KLF6: variants seen among roughly 807,000 people sequenced by gnomAD.
KLF6 encodes the protein Krueppel-like factor 6.
For missense variants in KLF6, 233 were observed against 359.8 expected (o/e 0.65, Z 2.85); for synonymous variants, 152 against 147.9 (o/e 1.03, Z -0.20).
In KLF6 at chr10:3,777,285, G is replaced by C. The variant is rs767768225; in HGVS notation, c.*2254C>G. On this transcript the variant is annotated 3_prime_UTR_variant, in exon 4 of 4. Transcript: ENST00000497571. ...GCTGGGTGAAATATCAGCTGTCCAC[G>C]CCGTGGTATGCCAATTCGGGGAAAT... is the stretch of plus-strand genomic sequence containing the variant. 9.7e-6 allele frequency: 5 copies of C among 514,756 alleles called. No individual in the cohort carries two copies. The highest frequency in any genetic ancestry group is 1.9e-5 in the Non-Finnish European group (5 of 263,984). The allele number at this position is 514,756 out of a possible 1,614,324, so 31.9% of individuals were successfully genotyped here.
In KLF6 at chr10:3,781,456, C is replaced by T. The variant is rs1198899088; in HGVS notation, c.676+185G>A. On this transcript the variant is annotated intron_variant, in intron 2 of 3. Coordinates refer to ENST00000497571, the MANE Select transcript of KLF6 (RefSeq NM_001300.6). This position sits in a 1 kb window ranked among gnomAD's most constrained non-coding sequence, Gnocchi z 5.8. ...TTACACATTTATCCAACTCAAAAGT[C>T]CAGTCTTTAGGATTCTACTCTGAAC... 3 of 1,536,832 alleles carry T rather than the reference C, an allele frequency of 2.0e-6. No individual in the cohort carries two copies. The highest frequency in any genetic ancestry group is 1.8e-6 in the Non-Finnish European group (2 of 1,141,384).
rs1809266560 is a variant in KLF6, at chr10:3,777,320, G to A, written c.*2219C>T. Reference sequence around the variant, plus strand: ...GCCAATTCGGGGAAATTACTCCTTGGAAAAACTGGAAGAATCTACTTGCTG... The same window carrying A: ...GCCAATTCGGGGAAATTACTCCTTGAAAAAACTGGAAGAATCTACTTGCTG... On this transcript the variant is annotated 3_prime_UTR_variant, in exon 4 of 4. Transcript: ENST00000497571. 1.9e-6 allele frequency: 1 copy of A among 513,066 alleles called. No homozygotes were observed. Among genetic ancestry groups the A allele is most frequent in the Non-Finnish European group, 3.8e-6 (1 of 262,674 alleles). The allele number at this position is 513,066 out of a possible 1,614,324, so 31.8% of individuals were successfully genotyped here.
rs1832387571 is a variant in KLF6 at position 3,776,756 on chromosome 10, CA to C, written c.*2782del. 6 of 472,402 alleles carry C rather than the reference CA, an allele frequency of 1.3e-5. No homozygotes were observed. The highest frequency in any genetic ancestry group is 2.1e-5 in the African/African-American group (1 of 47,840). 29.3% of individuals were successfully genotyped at this position (472,402 alleles called of 1,614,324 possible). ...ATAGAAATTTTTTTTTAATTTCAAG[CA>C]AAAAGTTTCTGCTTGATTGAGGCTC... On this transcript the variant is annotated 3_prime_UTR_variant, in exon 4 of 4. Coordinates refer to ENST00000497571, the MANE Select transcript of KLF6 (RefSeq NM_001300.6).
rs1286672635 is a variant in KLF6, at chr10:3,782,283, C to T, written c.103-69G>A. 3.8e-6 allele frequency: 5 copies of T among 1,310,808 alleles called. No individual in the cohort carries two copies. The highest frequency in any genetic ancestry group is 5.4e-6 in the Non-Finnish European group (5 of 921,544). 81.2% of individuals were successfully genotyped at this position (1,310,808 alleles called of 1,614,324 possible). On this transcript the variant is annotated intron_variant, in intron 1 of 3. Coordinates refer to ENST00000497571, the MANE Select transcript of KLF6 (RefSeq NM_001300.6). This position sits in a 1 kb window ranked among gnomAD's most constrained non-coding sequence, Gnocchi z 4.3. ...CCAAAAGTAAAAGCAAAAGCAATTT[C>T]CAAAAACATGCAAGAATGAAGGACA...
In KLF6 at chr10:3,776,564, A is replaced by ATTC. The variant is rs1832381570; in HGVS notation, c.*2972_*2974dup. The ATTC allele has an allele frequency of 1.9e-6, 1 of 525,724 alleles. No individual in the cohort carries two copies. The highest frequency in any genetic ancestry group is 1.9e-5 in the African/African-American group (1 of 53,422). 32.6% of individuals were successfully genotyped at this position (525,724 alleles called of 1,614,324 possible). A position where few individuals can be genotyped will look rare whatever the true frequency, so the allele number is the denominator to read the frequency against. On this transcript the variant is annotated 3_prime_UTR_variant, in exon 4 of 4. Coordinates refer to ENST00000497571, the MANE Select transcript of KLF6 (RefSeq NM_001300.6). ...AACCAGACTCAAGATGCTGATAAGA[A>ATTC]TTCTTTTATGTTATTCCAATAAAAA...
Position 3,777,921 on chromosome 10 carries a change from G to GTT in KLF6, c.*1617_*1618insAA, listed in dbSNP as rs200387079. On this transcript the variant is annotated 3_prime_UTR_variant, in exon 4 of 4. Coordinates refer to ENST00000497571, the MANE Select transcript of KLF6 (RefSeq NM_001300.6). ...TTTAAGCAAATACATTAACATTGGG[G>GTT]GTTTTTTAATACTTCTGTATCTTTA... is the stretch of plus-strand genomic sequence containing the variant. 49,855 of 492,462 alleles carry GTT rather than the reference G, an allele frequency of 0.1. 3,030 individuals carry two copies. Among genetic ancestry groups the GTT allele is most frequent in the Non-Finnish European group, 0.13 (32,382 of 250,606 alleles). The allele number at this position is 492,462 out of a possible 1,614,324, so 30.5% of individuals were successfully genotyped here.
Position 3,784,979 on chromosome 10 carries a change from C to T in KLF6, c.36G>A (p.Glu12=), listed in dbSNP as rs1026973469. The T allele has an allele frequency of 6.2e-7, 1 of 1,608,286 alleles. No homozygotes were observed. Among genetic ancestry groups the T allele is most frequent in the East Asian group, 2.2e-5 (1 of 44,678 alleles). Residue 12 remains glutamate (E), a synonymous_variant, in exon 1 of 4, where the codon GAG becomes GAA. Coordinates refer to ENST00000497571, the MANE Select transcript of KLF6 (RefSeq NM_001300.6). ...AGCCGGTCTCGTGCACGATCTGGAG[C>T]TCCTGGAAGATGCTGCACATGGGGA... is the stretch of plus-strand genomic sequence containing the variant. ...DVLPMCSIFQ[E]LQIVHETGYF...
rs1294821201 is a variant in KLF6, at chr10:3,781,148, A to T, written c.676+493T>A. The T allele has an allele frequency of 4.0e-6, 1 of 250,730 alleles. No individual in the cohort carries two copies. The highest frequency in any genetic ancestry group is 2.2e-5 in the African/African-American group (1 of 44,690). 15.5% of individuals were successfully genotyped at this position (250,730 alleles called of 1,614,324 possible). A position where few individuals can be genotyped will look rare whatever the true frequency, so the allele number is the denominator to read the frequency against. On this transcript the variant is annotated intron_variant, in intron 2 of 3. Coordinates refer to ENST00000497571, the MANE Select transcript of KLF6 (RefSeq NM_001300.6). The surrounding 1 kb of genome is among the most constrained non-coding windows in gnomAD (Gnocchi z 5.8). ...TGAGACACGGAGAAGTTCTCAGGAA[A>T]CACTCGCTGATCAATGCTGCTGCTT...
Position 3,780,358 on chromosome 10 carries a change from C to G in KLF6, c.677-129G>C. On this transcript the variant is annotated intron_variant, in intron 2 of 3. Coordinates refer to ENST00000497571, the MANE Select transcript of KLF6 (RefSeq NM_001300.6). This position sits in a 1 kb window ranked among gnomAD's most constrained non-coding sequence, Gnocchi z 4.6. ...CCAGTGGCTTCTGGCATCGGTAACA[C>G]ACAACAACTGGCAGCCTCAGAGAGA... is the stretch of plus-strand genomic sequence containing the variant. 5 of 1,088,286 alleles carry G rather than the reference C, an allele frequency of 4.6e-6. No homozygotes were observed. In the South Asian group the frequency reaches 5.0e-5, roughly 11 times the overall value. 67.4% of individuals were successfully genotyped at this position (1,088,286 alleles called of 1,614,324 possible). A position where few individuals can be genotyped will look rare whatever the true frequency, so the allele number is the denominator to read the frequency against.
In KLF6 at chr10:3,776,417, A is replaced by G. The variant is rs1378632367; in HGVS notation, c.*3122T>C. The G allele has an allele frequency of 7.5e-6, 4 of 532,252 alleles. No homozygotes were observed. Among genetic ancestry groups the G allele is most frequent in the Non-Finnish European group, 7.3e-6 (2 of 275,102 alleles). The allele number at this position is 532,252 out of a possible 1,614,324, so 33.0% of individuals were successfully genotyped here. A position where few individuals can be genotyped will look rare whatever the true frequency, so the allele number is the denominator to read the frequency against. ...TCCCAGGACAGGCTGTGGAAAGAGG[A>G]AGGGGCTGAGGTCGGTGAGTTGTTC... On this transcript the variant is annotated 3_prime_UTR_variant, in exon 4 of 4. Transcript: ENST00000497571.
In KLF6 at chr10:3,779,167, T is replaced by C; in HGVS notation, c.*372A>G. On this transcript the variant is annotated 3_prime_UTR_variant, in exon 4 of 4. Transcript: ENST00000497571. ...AAACATTCAAACTACTTTTTTTCCA[T>C]CTCTTGCAGTCTTGCTAACCACAAG... The C allele has an allele frequency of 1.8e-6, 1 of 547,760 alleles. No individual in the cohort carries two copies. 33.9% of individuals were successfully genotyped at this position (547,760 alleles called of 1,614,324 possible).
Position 3,776,687 on chromosome 10 carries a change from A to G in KLF6, c.*2852T>C, listed in dbSNP as rs562840329. On this transcript the variant is annotated 3_prime_UTR_variant, in exon 4 of 4. Coordinates refer to ENST00000497571, the MANE Select transcript of KLF6 (RefSeq NM_001300.6). The stretch of plus-strand genomic sequence containing the variant: ...CAAAAATCTTACAAAGATTCTTTAG[A>G]TAACAGGGTGCTTCCAAAAAAAAAA... The G allele has an allele frequency of 2.1e-6, 1 of 479,144 alleles. No individual in the cohort carries two copies. Among genetic ancestry groups the G allele is most frequent in the Non-Finnish European group, 3.9e-6 (1 of 254,312 alleles). The allele number at this position is 479,144 out of a possible 1,614,324, so 29.7% of individuals were successfully genotyped here.
Position 3,779,403 on chromosome 10 carries a change from C to T in KLF6, c.*136G>A. On this transcript the variant is annotated 3_prime_UTR_variant, in exon 4 of 4. Transcript: ENST00000497571. ...AGGACCTTTTTAGCCCTCAAAAGAC[C>T]TTCCAAGGAGAGGCCCTGGAGGCAA... 1.3e-6 allele frequency: 1 copy of T among 771,856 alleles called. No homozygotes were observed. The highest frequency in any genetic ancestry group is 2.3e-6 in the Non-Finnish European group (1 of 437,100). 47.8% of individuals were successfully genotyped at this position (771,856 alleles called of 1,614,324 possible).
rs936964721 is a variant in KLF6, at chr10:3,782,372, A to C, written c.103-158T>G. 5.9e-5 allele frequency among the ~76,000 whole-genome samples: 9 copies of C among 152,262 alleles called. No individual in the cohort carries two copies. The highest frequency in any genetic ancestry group is 1.3e-4 in the Non-Finnish European group (9 of 68,046). ...TTTGTAATTAAGCATCCGTGTCCTTACGGAAGTTAGAGGAAATCTGTTTCT... is the reference window on the plus strand; with the variant it reads ...TTTGTAATTAAGCATCCGTGTCCTTCCGGAAGTTAGAGGAAATCTGTTTCT... On this transcript the variant is annotated intron_variant, in intron 1 of 3. Coordinates refer to ENST00000497571, the MANE Select transcript of KLF6 (RefSeq NM_001300.6). The surrounding 1 kb of genome is among the most constrained non-coding windows in gnomAD (Gnocchi z 4.3).
At position 3,778,193 on chromosome 10, in the gene KLF6, G is replaced by A. The variant is rs763693794; in HGVS notation, c.*1346C>T. The A allele has an allele frequency of 1.9e-6, 1 of 524,064 alleles. No homozygotes were observed. The highest frequency in any genetic ancestry group is 4.1e-5 in the East Asian group (1 of 24,486). 32.5% of individuals were successfully genotyped at this position (524,064 alleles called of 1,614,324 possible). A position where few individuals can be genotyped will look rare whatever the true frequency, so the allele number is the denominator to read the frequency against. On this transcript the variant is annotated 3_prime_UTR_variant, in exon 4 of 4. Coordinates refer to ENST00000497571, the MANE Select transcript of KLF6 (RefSeq NM_001300.6). Reference sequence around the variant, plus strand: ...AGATTTTTTTTCTGTATTATACGTTGATACAGTACACTGCCAGGTGAAACA... The same window carrying A: ...AGATTTTTTTTCTGTATTATACGTTAATACAGTACACTGCCAGGTGAAACA...
rs1271244366 is a variant in KLF6 at position 3,780,201 on chromosome 10, T to C, written c.705A>G (p.Glu235=). 1.2e-6 allele frequency: 2 copies of C among 1,614,004 alleles called. No homozygotes were observed. The highest frequency in any genetic ancestry group is 2.7e-5 in the African/African-American group (2 of 74,926). The change falls in exon 3 of 4, where the codon GAA becomes GAG. Residue 235 remains glutamate (E), a synonymous_variant. Coordinates refer to ENST00000497571, the MANE Select transcript of KLF6 (RefSeq NM_001300.6). This position sits in a 1 kb window ranked among gnomAD's most constrained non-coding sequence, Gnocchi z 4.6. ...TGEKPYRCSW[E]GCEWRFARSD... is the part of the protein sequence containing the mutation. ...TTCTTGCAAAACGCCACTCACACCC[T>C]TCCCATGAGCATCTGTAAGGCTTTT...
chr10:3,785,171 C>G lies in KLF6; in HGVS notation c.-157G>C. The G allele has an allele frequency of 6.9e-7, 1 of 1,450,376 alleles. No homozygotes were observed. The highest frequency in any genetic ancestry group is 9.4e-7 in the Non-Finnish European group (1 of 1,069,012). 89.8% of individuals were successfully genotyped at this position (1,450,376 alleles called of 1,614,324 possible). On this transcript the variant is annotated 5_prime_UTR_variant, in exon 1 of 4. Transcript: ENST00000497571. The stretch of plus-strand genomic sequence containing the variant: ...GGACCCTCCCGCAGCCCGCAGCGCG[C>G]GGAGCCCACACAATATTTGCAAACA...
rs1444593969 is a variant in KLF6, at chr10:3,778,964, C to G, written c.*575G>C. 2 of 534,724 alleles carry G rather than the reference C, an allele frequency of 3.7e-6. No homozygotes were observed. The highest frequency in any genetic ancestry group is 7.2e-6 in the Non-Finnish European group (2 of 276,652). The allele number at this position is 534,724 out of a possible 1,614,324, so 33.1% of individuals were successfully genotyped here. ...GGGAGAGAGGCTCTCCCTCCCCACA[C>G]CACTCGCCACTCTGGGGTCCTGAGT... On this transcript the variant is annotated 3_prime_UTR_variant, in exon 4 of 4. Transcript: ENST00000497571.
Position 3,776,054 on chromosome 10 carries a change from T to G in KLF6, c.*3485A>C, listed in dbSNP as rs1376252561. 1 of 515,950 alleles carries G rather than the reference T, an allele frequency of 1.9e-6. No homozygotes were observed. Among genetic ancestry groups the G allele is most frequent in the Non-Finnish European group, 3.8e-6 (1 of 262,558 alleles). 32.0% of individuals were successfully genotyped at this position (515,950 alleles called of 1,614,324 possible). A position where few individuals can be genotyped will look rare whatever the true frequency, so the allele number is the denominator to read the frequency against. On this transcript the variant is annotated 3_prime_UTR_variant, in exon 4 of 4. Transcript: ENST00000497571. The stretch of plus-strand genomic sequence containing the variant: ...CTTGACTGAGAGTGGGCTGAGGTTG[T>G]GAGAACAGCCCTCTGGCCTGGAGTC...
Sources: gnomAD v4.1 joint callset for allele counts (sites outside exome capture counted in the v4.1 genomes callset) on GRCh38, gnomAD v4.1.1 for gene constraint, Gnocchi (gnomAD v3.1) non-coding constraint, MANE v1.5 for transcripts, NCBI Gene and HGNC (gene_info 2026-07-23, HGNC 2026-07-21) for gene names.